Variants in ZYG11A observed in about 807,000 individuals in gnomAD.
ZYG11A encodes the protein zyg-11 family member A, cell cycle regulator.
Under a neutral mutation model 77.2 loss-of-function variants are expected in ZYG11A, and 62 were observed. The ratio of observed to expected loss-of-function variants is 0.80; its 90% CI spans 0.65 to 0.99. The LOEUF (loss-of-function observed/expected upper bound fraction) is 0.99, where lower values mean the gene tolerates loss of function less well. Among genes scored for constraint, ZYG11A ranks in the 50% least tolerant of loss-of-function variants. The probability of loss-of-function intolerance (pLI) is 0.00; values close to 1 mark genes in which losing one functional copy is unlikely to be tolerated. For synonymous variants in ZYG11A, 315 were observed against 324.6 expected (o/e 0.97, Z 0.32); for missense variants, 828 against 896.8 (o/e 0.92, Z 0.98).
chr1:52,864,675 C>T (rs909894069), intron 5 of ZYG11A, among the ~76,000 whole-genome samples: 3 of 152,038 alleles, frequency 2.0e-5, no homozygotes, highest in African/African-American at 7.2e-5. Context: ...AGAGATTTTC[C>T]TTCTTGTTGC....
chr1:52,869,193 CT>C (rs1557444640), intron 8 of ZYG11A, among the ~76,000 whole-genome samples: 1 of 108,406 alleles, frequency 9.2e-6, no homozygotes, highest in Non-Finnish European at 2.0e-5. Context: ...GGGTTACTGA[CT>C]TTTTTCTACT....
chr1:52,856,583 TA>T, intron 2 of ZYG11A, among the ~76,000 whole-genome samples: 1 of 152,254 alleles, frequency 6.6e-6, no homozygotes, highest in Non-Finnish European at 1.5e-5. Flanking sequence ...CTAATTTGGT[TA>T]AAAATAATAT....
chr1:52,889,082 A>G (rs933397555), intron 13 of ZYG11A, among the ~76,000 whole-genome samples: 1 of 152,240 alleles, frequency 6.6e-6, no homozygotes, highest in Non-Finnish European at 1.5e-5. Flanking sequence ...TCTTCACAAC[A>G]ACTAGAAGGG....
intron 11 of ZYG11A, 30 bp from the exon 12 acceptor site, chr1:52,885,803 G>A (rs368330150): frequency 1.0e-5 from 15 of 1,478,454 alleles, no homozygotes; most frequent in African/African-American, 1.4e-5. Context: ...TTATTCAAAT[G>A]TTGGTTTCTC....
intron 13 of ZYG11A, 75 bp downstream of exon 13, chr1:52,887,128 G>A (rs1228463091): frequency 1.4e-5 from 11 of 780,298 alleles, no homozygotes; most frequent in Non-Finnish European, 1.9e-5. Flanking sequence ...GTTCAAGATG[G>A]ATGTGCAAAA....
Position 52,870,989 on chromosome 1 carries a change from A to G in ZYG11A, c.1542+3212A>G, listed in dbSNP as rs146731243. On this transcript the variant is annotated intron_variant, in intron 8 of 13. Transcript: ENST00000371528. ...TTTTCTCCCATTTTACTGTTTATCT[A>G]TTTTTAATTCATTTATGGCATGGTT... Among the ~76,000 whole-genome samples, 954 of 152,200 alleles carry G rather than the reference A, an allele frequency of 6.3e-3. 13 individuals carry two copies. The highest frequency in any genetic ancestry group is 0.022 in the African/African-American group (917 of 41,528).
rs147820243 is a variant in ZYG11A at position 52,860,205 on chromosome 1, T to C, written c.1009-526T>C. On this transcript the variant is annotated intron_variant, in intron 3 of 13. Coordinates refer to ENST00000371528, the MANE Select transcript of ZYG11A (RefSeq NM_001004339.3). ...TGAGGAAAATTGCCGTTTAATAACG[T>C]TGAGTCTCATGTTGTTTTAAAAAAT... Among the ~76,000 whole-genome samples, 62 of 152,228 alleles carry C rather than the reference T, an allele frequency of 4.1e-4. No individual in the cohort carries two copies. The East Asian group carries it at 0.012, about 29-fold the overall frequency.
intron 11 of ZYG11A, among the ~76,000 whole-genome samples, chr1:52,884,045 T>C (rs1646404900): frequency 6.6e-6 from 1 of 151,706 alleles, no homozygotes; most frequent in Admixed American, 6.6e-5. Context: ...AGTTAATTTT[T>C]GTATATATTT....
rs1277749051 is a variant in ZYG11A, at chr1:52,856,513, C to T, written c.257-485C>T. ...TAAATGAAAAATAGGACAACCCATT[C>T]GTTTTACAGATGAGGAAAATGAGGC... On this transcript the variant is annotated intron_variant, in intron 2 of 13. Coordinates refer to ENST00000371528, the MANE Select transcript of ZYG11A (RefSeq NM_001004339.3). 2.0e-5 allele frequency among the ~76,000 whole-genome samples: 3 copies of T among 150,790 alleles called. No homozygotes were observed. In the Admixed American group the frequency reaches 2.0e-4, roughly 10 times the overall value.
chr1:52,860,782 AG>A lies in ZYG11A; in HGVS notation c.1062del (p.Asn355ThrfsTer6). 6.4e-7 allele frequency: 1 copy of A among 1,551,692 alleles called. No homozygotes were observed. The highest frequency in any genetic ancestry group is 8.7e-7 in the Non-Finnish European group (1 of 1,146,956). On this transcript the variant is annotated frameshift_variant, in exon 4 of 14. Coordinates refer to ENST00000371528, the MANE Select transcript of ZYG11A (RefSeq NM_001004339.3). LOFTEE classifies it high-confidence loss of function. ...SQISEALSRY[R>X]NRSCFVKEAL... ...GATTTCAGAAGCACTGAGCCGATAC[AG>A]GAACAGATCATGTTTTGTGAAGGAA...
chr1:52,885,813 C>T lies in ZYG11A; in HGVS notation c.1945-20C>T, dbSNP rs557255933. 2 of 1,512,062 alleles carry T rather than the reference C, an allele frequency of 1.3e-6. No homozygotes were observed. The highest frequency in any genetic ancestry group is 1.8e-6 in the Non-Finnish European group (2 of 1,128,590). 93.7% of individuals were successfully genotyped at this position (1,512,062 alleles called of 1,614,324 possible). A position where few individuals can be genotyped will look rare whatever the true frequency, so the allele number is the denominator to read the frequency against. On this transcript the variant is annotated intron_variant, in intron 11 of 13. Coordinates refer to ENST00000371528, the MANE Select transcript of ZYG11A (RefSeq NM_001004339.3). The stretch of plus-strand genomic sequence containing the variant: ...ATGGATTATTCAAATGTTGGTTTCT[C>T]TCTCTTGTTTTTGGAGTAGCATGCA...
At chr1:52,856,974 A>C in intron 2 of ZYG11A, 24 bp from the exon 3 acceptor site, 3 of 1,499,474 alleles carry the variant, frequency 2.0e-6, no homozygotes, top group Non-Finnish European at 2.7e-6. Context: ...TTGTCATTAC[A>C]AGTTGGTTCT....
chr1:52,853,412 A>G (rs1197302593), intron 1 of ZYG11A, among the ~76,000 whole-genome samples: 1 of 152,236 alleles, frequency 6.6e-6, no homozygotes. Context: ...GAATAGACAC[A>G]TGATAATCAA....
At chr1:52,877,894 A>G in intron 9 of ZYG11A, 31 bp from the exon 10 acceptor site, 1 of 1,551,400 alleles carries the variant, frequency 6.4e-7, no homozygotes, top group Non-Finnish European at 8.7e-7. Flanking sequence ...TTCATGATAA[A>G]GTAACCTGTA....
chr1:52,847,097 G>T (rs1462667227), intron 1 of ZYG11A, among the ~76,000 whole-genome samples: 1 of 151,842 alleles, frequency 6.6e-6, no homozygotes, highest in African/African-American at 2.4e-5. Flanking sequence ...TTTCGCTGTT[G>T]TTGCCCAGGC....
At position 52,887,045 on chromosome 1, in the gene ZYG11A, G is replaced by C; in HGVS notation, c.2096G>C (p.Ser699Thr). ...CTATGGGCTATGTATCATGTCTGCA[G>C]TAAAAATCGTATGTATTCAACATAT... The part of the protein sequence containing the change: ...WALWAMYHVC[S>T]KNPSKYCKML... The change falls in exon 13 of 14, where the codon AGT becomes ACT. Residue 699 changes from serine (S) to threonine (T), a missense_variant. Physicochemically the swap from Ser to Thr is moderately conservative, Grantham distance 58. Coordinates refer to ENST00000371528, the MANE Select transcript of ZYG11A (RefSeq NM_001004339.3). The C allele has an allele frequency of 6.7e-7, 1 of 1,503,188 alleles. No individual in the cohort carries two copies. The highest frequency in any genetic ancestry group is 9.0e-7 in the Non-Finnish European group (1 of 1,107,600). The allele number at this position is 1,503,188 out of a possible 1,614,324, so 93.1% of individuals were successfully genotyped here.
chr1:52,865,436 C>T (rs1302477361), intron 5 of ZYG11A, among the ~76,000 whole-genome samples: 1 of 152,148 alleles, frequency 6.6e-6, no homozygotes, highest in African/African-American at 2.4e-5. Context: ...TAAATATACA[C>T]TTCATAAACT....
chr1:52,853,008 T>A (rs997201093), intron 1 of ZYG11A, among the ~76,000 whole-genome samples: 2 of 152,222 alleles, frequency 1.3e-5, no homozygotes, highest in African/African-American at 4.8e-5. Context: ...GAACTAAAAG[T>A]TAATTGCTGG....
At chr1:52,878,302 T>C (rs535129348) in intron 10 of ZYG11A, among the ~76,000 whole-genome samples, 1 of 152,158 alleles carries the variant, frequency 6.6e-6, no homozygotes, top group Non-Finnish European at 1.5e-5. Flanking sequence ...GTGGCTTGAC[T>C]GGGGCTGGAG....
Sources: allele counts gnomAD v4.1 joint callset (sites outside exome capture counted in the v4.1 genomes callset), GRCh38; gene constraint gnomAD v4.1.1; transcripts MANE v1.5; gene names NCBI Gene and HGNC (gene_info 2026-07-23, HGNC 2026-07-21).